Variants in HELLS observed in about 807,000 individuals in gnomAD.
HELLS encodes helicase, lymphoid specific, also known as lymphoid-specific helicase.
Under a neutral mutation model 120.0 loss-of-function variants are expected in HELLS, and 32 were observed. The ratio of observed to expected loss-of-function variants is 0.27; its 90% CI spans 0.20 to 0.36. The LOEUF (loss-of-function observed/expected upper bound fraction) is 0.36. Ranked by LOEUF, HELLS falls within the 10% of genes least tolerant of loss-of-function variation. HELLS has a pLI of 1.00. For synonymous variants in HELLS, 341 were observed against 323.4 expected (o/e 1.05, Z -0.58); for missense variants, 650 against 993.4 (o/e 0.65, Z 4.65).
chr10:94,604,789 C>CT (rs1216968373), downstream of HELLS, among the ~76,000 whole-genome samples: 4 of 151,166 alleles, frequency 2.6e-5, no homozygotes, highest in Non-Finnish European at 3.0e-5. Context: ...TCTTGTGCAG[C>CT]TTTTTTTTTC....
chr10:94,595,458 T>C (rs966097731), intron 19 of HELLS, among the ~76,000 whole-genome samples: 18 of 152,230 alleles, frequency 1.2e-4, no homozygotes, highest in African/African-American at 3.4e-4. Context: ...GCAAGTTCCA[T>C]GTATTAAAAT....
intron 10 of HELLS, among the ~76,000 whole-genome samples, chr10:94,580,177 ACACACACATT>A (rs1564602755): frequency 3.4e-5 from 4 of 116,984 alleles, no homozygotes; most frequent in Non-Finnish European, 5.2e-5. Flanking sequence ...ACACACACAC[ACACACACATT>A]TTTTTTTTTT....
chr10:94,592,538 A>G, intron 17 of HELLS, 24 bp downstream of exon 17: 1 of 1,347,632 alleles, frequency 7.4e-7, no homozygotes, highest in Non-Finnish European at 9.7e-7. Flanking sequence ...TGTCATACAT[A>G]CCAAACTATT....
At chr10:94,554,511 G>A (rs1423799776) in intron 3 of HELLS, among the ~76,000 whole-genome samples, 3 of 152,128 alleles carry the variant, frequency 2.0e-5, no homozygotes, top group African/African-American at 7.2e-5. Flanking sequence ...TGTCACTATA[G>A]ACCAGTATTG....
rs769878701 is a variant in HELLS at position 94,590,401 on chromosome 10, G to A, written c.1489-12G>A. 33 of 1,588,184 alleles carry A rather than the reference G, an allele frequency of 2.1e-5. No individual in the cohort carries two copies. Among genetic ancestry groups the A allele is most frequent in the African/African-American group, 4.1e-5 (3 of 73,036 alleles). ...TTATAAACTGAATTTCTTTTAATTCGTTCCCTTTTAGAAAGAAACAATTGA... is the reference window on the plus strand; with the variant it reads ...TTATAAACTGAATTTCTTTTAATTCATTCCCTTTTAGAAAGAAACAATTGA... On this transcript the variant is annotated splice_polypyrimidine_tract_variant and intron_variant, in intron 13 of 21. Coordinates refer to ENST00000348459, the MANE Select transcript of HELLS (RefSeq NM_018063.5).
rs34515684 is a variant in HELLS, at chr10:94,600,292, TA to T, written c.2423-1219del. Among the ~76,000 whole-genome samples, 534 of 139,764 alleles carry T rather than the reference TA, an allele frequency of 3.8e-3. 1 individual carries two copies. Among genetic ancestry groups the T allele is most frequent in the Middle Eastern group, 7.4e-3 (2 of 272 alleles). 91.7% of individuals were successfully genotyped at this position (139,764 alleles called of 152,430 possible). ...GGTGACAGAGCGAGACTCTGTCTCT[TA>T]AAAAAAAAAAAAAAAATCCCAGAAT... On this transcript the variant is annotated intron_variant, in intron 21 of 21. Coordinates refer to ENST00000348459, the MANE Select transcript of HELLS (RefSeq NM_018063.5).
chr10:94,558,118 TAAG>T lies in HELLS; in HGVS notation c.277-18_277-16del. On this transcript the variant is annotated intron_variant, in intron 3 of 21. Coordinates refer to ENST00000348459, the MANE Select transcript of HELLS (RefSeq NM_018063.5). ...AATGTTGCACTTTCCACTTGTGACA[TAAG>T]AAAAAATTGTCTTACAGGAACAGAA... The T allele has an allele frequency of 2.6e-6, 4 of 1,555,258 alleles. No homozygotes were observed. The highest frequency in any genetic ancestry group is 3.4e-6 in the Non-Finnish European group (4 of 1,160,850).
downstream of HELLS, among the ~76,000 whole-genome samples, chr10:94,605,303 G>C (rs746536543): frequency 2.6e-5 from 4 of 151,966 alleles, no homozygotes; most frequent in Non-Finnish European, 5.9e-5. Flanking sequence ...CGCTGGTCTC[G>C]AACTCCTGAC....
At chr10:94,607,893 G>A (rs973486303) in intron 8 of HELLS, 1 of 423,312 alleles carries the variant, frequency 2.4e-6, no homozygotes. Flanking sequence ...ACACCCAACT[G>A]ATTTTTGTAT....
chr10:94,599,874 A>T (rs201219974), intron 21 of HELLS, among the ~76,000 whole-genome samples: 2 of 152,222 alleles, frequency 1.3e-5, no homozygotes, highest in East Asian at 3.8e-4. Flanking sequence ...GAAGGACGTT[A>T]ATAGAAAGAC....
chr10:94,556,558 T>G (rs1436534651), intron 3 of HELLS, among the ~76,000 whole-genome samples: 1 of 152,212 alleles, frequency 6.6e-6, no homozygotes, highest in Non-Finnish European at 1.5e-5. Flanking sequence ...ATAGTGGACA[T>G]ACCCACTGAT....
chr10:94,597,802 G>T (rs1845811467), intron 21 of HELLS, among the ~76,000 whole-genome samples: 1 of 152,118 alleles, frequency 6.6e-6, no homozygotes, highest in South Asian at 2.1e-4. Flanking sequence ...CAAAGCACTG[G>T]GATTACAGGC....
intron 9 of HELLS, chr10:94,609,771 G>T (rs1000649508): frequency 6.6e-6 from 1 of 152,184 alleles, no homozygotes; most frequent in Admixed American, 6.5e-5. Flanking sequence ...GGAGCATGGC[G>T]TGGCAAGAAG....
intron 2 of HELLS, among the ~76,000 whole-genome samples, chr10:94,552,069 C>G (rs1297387746): frequency 6.6e-6 from 1 of 152,132 alleles, no homozygotes; most frequent in Non-Finnish European, 1.5e-5. Flanking sequence ...ACGCTGTAAA[C>G]AATGCTCAAT....
intron 21 of HELLS, among the ~76,000 whole-genome samples, 153 bp downstream of exon 21, chr10:94,597,264 C>A (rs1285705986): frequency 6.6e-6 from 1 of 152,106 alleles, no homozygotes; most frequent in Non-Finnish European, 1.5e-5. Context: ...AAATCTCAGA[C>A]ATGACATTTT....
intron 10 of HELLS, among the ~76,000 whole-genome samples, chr10:94,579,279 C>G (rs1019486147): frequency 3.4e-5 from 5 of 145,972 alleles, no homozygotes; most frequent in African/African-American, 5.1e-5. Flanking sequence ...TAGCTCACTG[C>G]AAGCTCCACC....
intron 3 of HELLS, among the ~76,000 whole-genome samples, chr10:94,554,661 T>G (rs1199957033): frequency 3.3e-5 from 5 of 150,734 alleles, no homozygotes; most frequent in African/African-American, 7.3e-5. Context: ...TTTTTGTTTT[T>G]TTTTTTTTAA....
intron 10 of HELLS, among the ~76,000 whole-genome samples, chr10:94,578,866 A>C (rs1030370912): frequency 6.6e-6 from 1 of 151,454 alleles, no homozygotes; most frequent in Non-Finnish European, 1.5e-5. Flanking sequence ...AATAGTGTTC[A>C]TGCTCCTATG....
intron 2 of HELLS, among the ~76,000 whole-genome samples, chr10:94,550,538 C>T (rs1842933836): frequency 6.6e-6 from 1 of 152,038 alleles, no homozygotes; most frequent in Admixed American, 6.5e-5. Flanking sequence ...CCTCGACCTC[C>T]CAAAGTGCCA....
Sources: gnomAD v4.1 joint callset for allele counts (sites outside exome capture counted in the v4.1 genomes callset) on GRCh38, gnomAD v4.1.1 for gene constraint, MANE v1.5 for transcripts, NCBI Gene and HGNC (gene_info 2026-07-23, HGNC 2026-07-21) for gene names.